The following ECPAS variants were observed in gnomAD, a reference collection of about 807,000 sequenced individuals.
The protein encoded by ECPAS is proteasome adapter and scaffold protein ECM29.
Under a neutral mutation model 255.1 loss-of-function variants are expected in ECPAS, and 70 were observed. The observed-to-expected ratio is 0.27, with a 90% CI of 0.23 to 0.33. The LOEUF (loss-of-function observed/expected upper bound fraction) is 0.33. Ranked by LOEUF, ECPAS falls within the 10% of genes least tolerant of loss-of-function variation. ECPAS has a pLI of 1.00. For missense variants in ECPAS, 1,817 were observed against 2,206.4 expected (o/e 0.82, Z 3.54); for synonymous variants, 784 against 775.0 (o/e 1.01, Z -0.19).
intron 24 of ECPAS, among the ~76,000 whole-genome samples, chr9:111,400,178 G>C (rs2098173624): frequency 6.6e-6 from 1 of 152,226 alleles, no homozygotes; most frequent in South Asian, 2.1e-4. Context: ...ATCTGTAAGA[G>C]TTGCAGCACA....
chr9:111,428,281 C>CA, intron 9 of ECPAS, 120 bp from the exon 10 acceptor site: 1 of 841,466 alleles, frequency 1.2e-6, no homozygotes, highest in South Asian at 2.3e-5. Flanking sequence ...CCTTTACACT[C>CA]TTAAAAATTA....
chr9:111,406,763 G>A (rs1291740610), intron 24 of ECPAS, among the ~76,000 whole-genome samples: 3 of 149,054 alleles, frequency 2.0e-5, no homozygotes, highest in Non-Finnish European at 2.9e-5. Context: ...TATTAGCCAG[G>A]CATGGTGGCG....
At chr9:111,377,818 CA>C in intron 36 of ECPAS, among the ~76,000 whole-genome samples, 1 of 152,090 alleles carries the variant, frequency 6.6e-6, no homozygotes, top group Non-Finnish European at 1.5e-5. Flanking sequence ...ATTAACTTTT[CA>C]CAATAAATAT....
At position 111,474,946 on chromosome 9, in the gene ECPAS, C is replaced by T. The variant is rs545857086; in HGVS notation, c.-82-1946G>A. Among the ~76,000 whole-genome samples, 4 of 152,294 alleles carry T rather than the reference C, an allele frequency of 2.6e-5. No individual in the cohort carries two copies. The East Asian group carries it at 7.7e-4, about 29-fold the overall frequency. On this transcript the variant is annotated intron_variant, in intron 1 of 49. Coordinates refer to ENST00000684092, the MANE Select transcript of ECPAS (RefSeq NM_001364929.1). ...CCCAGTACTTCACACAGCCGTAGCACCCCCATTCCCATCATAACAGACTTA... is the reference window on the plus strand; with the variant it reads ...CCCAGTACTTCACACAGCCGTAGCATCCCCATTCCCATCATAACAGACTTA...
intron 25 of ECPAS, among the ~76,000 whole-genome samples, chr9:111,395,633 A>G (rs2098166453): frequency 6.6e-6 from 1 of 152,150 alleles, no homozygotes; most frequent in African/African-American, 2.4e-5. Context: ...ACTGGCACAG[A>G]TGCCTCTCTA....
chr9:111,400,978 C>T (rs909021468), intron 24 of ECPAS, among the ~76,000 whole-genome samples: 42 of 151,940 alleles, frequency 2.8e-4, no homozygotes, highest in African/African-American at 9.7e-4. Flanking sequence ...AATAAACTCA[C>T]AAAGGTCATG....
At chr9:111,378,175 A>T (rs1012740250) in intron 36 of ECPAS, among the ~76,000 whole-genome samples, 1 of 151,966 alleles carries the variant, frequency 6.6e-6, no homozygotes, top group Non-Finnish European at 1.5e-5. Flanking sequence ...ATAAAAATAA[A>T]AATGACCCTG....
chr9:111,470,996 G>A (rs537297456), intron 2 of ECPAS, among the ~76,000 whole-genome samples: 1 of 152,284 alleles, frequency 6.6e-6, no homozygotes, highest in South Asian at 2.1e-4. Context: ...GCTTGTGAAA[G>A]CTAGCTTAGA....
intron 24 of ECPAS, among the ~76,000 whole-genome samples, chr9:111,400,179 T>C (rs1369264714): frequency 6.6e-6 from 1 of 152,082 alleles, no homozygotes; most frequent in African/African-American, 2.4e-5. Context: ...TCTGTAAGAG[T>C]TGCAGCACAC....
chr9:111,476,694 ACT>A (rs2098296702), intron 1 of ECPAS, among the ~76,000 whole-genome samples: 2 of 148,456 alleles, frequency 1.3e-5, no homozygotes, highest in African/African-American at 5.0e-5. Flanking sequence ...TGGGAGTCTC[ACT>A]CTGTCACCCA....
At chr9:111,364,438 T>G (rs1589104408) in intron 48 of ECPAS, among the ~76,000 whole-genome samples, 1 of 152,256 alleles carries the variant, frequency 6.6e-6, no homozygotes, top group East Asian at 1.9e-4. Flanking sequence ...GGGGGAAAGA[T>G]TCCATGAATC....
chr9:111,458,287 A>C (rs563065705), intron 2 of ECPAS, among the ~76,000 whole-genome samples: 12 of 152,360 alleles, frequency 7.9e-5, no homozygotes, highest in Admixed American at 2.0e-4. Context: ...AGATTGCTTC[A>C]TAAGAATGTT....
At chr9:111,369,413 T>G (rs146037261) in intron 45 of ECPAS, among the ~76,000 whole-genome samples, 1 of 152,318 alleles carries the variant, frequency 6.6e-6, no homozygotes, top group African/African-American at 2.4e-5. Flanking sequence ...ATACTGCATA[T>G]GTAGTCTTTT....
intron 2 of ECPAS, among the ~76,000 whole-genome samples, chr9:111,469,563 C>T (rs751757423): frequency 1.3e-5 from 2 of 151,972 alleles, no homozygotes; most frequent in Non-Finnish European, 2.9e-5. Context: ...GTAATCCCAG[C>T]ACTTCGGGAG....
chr9:111,416,348 G>A lies in ECPAS; in HGVS notation c.1688C>T (p.Ser563Phe). 1 of 1,613,172 alleles carries A rather than the reference G, an allele frequency of 6.2e-7. No individual in the cohort carries two copies. The highest frequency in any genetic ancestry group is 1.3e-5 in the African/African-American group (1 of 75,054). ...CTTGACTGGAGTTTTCATTCGATGA[G>A]AAGCCTAAGTTTAAAAAGTCCAAAA... ...EMVYYIQEKA[S>F]HRMKTPVKYM... Residue 563 changes from serine (S) to phenylalanine (F), a missense_variant, in exon 18 of 50, where the codon TCT becomes TTT. Ser to Phe is a radical substitution (Grantham distance 155). This residue lies in a region of ECPAS where 573 missense variants were observed against 716.2 expected (regional missense o/e 0.80). Transcript: ENST00000684092.
At chr9:111,374,479 C>T (rs959321614) in intron 38 of ECPAS, among the ~76,000 whole-genome samples, 2 of 151,986 alleles carry the variant, frequency 1.3e-5, no homozygotes, top group Non-Finnish European at 2.9e-5. Context: ...GAGTATCATA[C>T]GGCCATTAGA....
In ECPAS at chr9:111,378,720, G is replaced by A; in HGVS notation, c.3814C>T (p.Leu1272Phe). The A allele has an allele frequency of 1.2e-6, 2 of 1,611,826 alleles. No homozygotes were observed. Among genetic ancestry groups the A allele is most frequent in the Non-Finnish European group, 8.5e-7 (1 of 1,178,418 alleles). Reference protein sequence around the residue: ...TEVRALSINTLVKISKSAGAM... With the variant: ...TEVRALSINTFVKISKSAGAM... ...CCTGCACTTTTGCTGATCTTCACAAGGGTGTTAATGCTACAAACATATGGA... is the reference window on the plus strand; with the variant it reads ...CCTGCACTTTTGCTGATCTTCACAAAGGTGTTAATGCTACAAACATATGGA... The change falls in exon 36 of 50, where the codon CTT becomes TTT. Residue 1272 changes from leucine (L) to phenylalanine (F), a missense_variant. Leu to Phe is a conservative substitution (Grantham distance 22, BLOSUM62 0). This residue lies in a region of ECPAS where 960 missense variants were observed against 1,179.0 expected (regional missense o/e 0.81). Coordinates refer to ENST00000684092, the MANE Select transcript of ECPAS (RefSeq NM_001364929.1).
chr9:111,401,228 T>C (rs1311249632), intron 24 of ECPAS, among the ~76,000 whole-genome samples: 4 of 152,234 alleles, frequency 2.6e-5, no homozygotes, highest in African/African-American at 7.2e-5. Context: ...GTAGGTTCTT[T>C]TCTATTTTCC....
chr9:111,471,702 T>C (rs1346193764), intron 2 of ECPAS, among the ~76,000 whole-genome samples: 4 of 152,192 alleles, frequency 2.6e-5, no homozygotes, highest in East Asian at 1.9e-4. Context: ...TGCCTTAGAA[T>C]GAAGTAGAAT....
Sources: allele counts gnomAD v4.1 joint callset (sites outside exome capture counted in the v4.1 genomes callset), GRCh38; gene constraint gnomAD v4.1.1; regional missense constraint gnomAD v4.1.1; transcripts MANE v1.5; gene names NCBI Gene and HGNC (gene_info 2026-07-23, HGNC 2026-07-21).